The following ENAH variants were observed in gnomAD, a reference collection of about 807,000 sequenced individuals.
ENAH encodes protein enabled homolog.
In ENAH, 23 loss-of-function variants were observed where a neutral mutation model predicts 78.7. The observed-to-expected ratio is 0.29, with a 90% CI of 0.21 to 0.41. ENAH has a LOEUF of 0.41. Among genes scored for constraint, ENAH ranks in the 10% least tolerant of loss-of-function variants. ENAH has a pLI of 1.00. For synonymous variants in ENAH, 226 were observed against 241.0 expected, an observed-to-expected ratio of 0.94 and a Z score of 0.58; for missense variants, 544 against 691.0, an observed-to-expected ratio of 0.79 and a Z score of 2.39.
rs544159229 is a variant in ENAH, at chr1:225,620,776, G to A, written c.5+31910C>T. Among the ~76,000 whole-genome samples the A allele has an allele frequency of 4.6e-5, 7 of 152,162 alleles. 1 individual carries two copies. In the South Asian group the frequency reaches 1.5e-3, roughly 32 times the overall value. ...TCCCAGCACTTTGGGAGGCCAAGGT[G>A]GGCGGATCACCCAAGGTCAGGAGTT... On this transcript the variant is annotated intron_variant, in intron 1 of 13. Coordinates refer to ENST00000366843, the MANE Select transcript of ENAH (RefSeq NM_018212.6).
At chr1:225,525,385 T>A (rs2096495789) in intron 4 of ENAH, among the ~76,000 whole-genome samples, 1 of 152,220 alleles carries the variant, frequency 6.6e-6, no homozygotes, top group Admixed American at 6.5e-5. Context: ...GTAGTACTTT[T>A]AAAAATTTGA....
chr1:225,514,452 C>G, intron 7 of ENAH, 144 bp downstream of exon 7: 1 of 758,412 alleles, frequency 1.3e-6, no homozygotes. Flanking sequence ...CAGGTATGAG[C>G]CATTGCGCCA....
At chr1:225,544,201 A>T (rs1227973516) in intron 3 of ENAH, among the ~76,000 whole-genome samples, 2 of 152,324 alleles carry the variant, frequency 1.3e-5, no homozygotes, top group Non-Finnish European at 1.5e-5. Flanking sequence ...ACAATTTTTG[A>T]CTATTTAACA....
intron 1 of ENAH, among the ~76,000 whole-genome samples, chr1:225,602,464 T>G (rs932993710): frequency 6.6e-6 from 1 of 152,092 alleles, no homozygotes. Flanking sequence ...TCCAACAGTG[T>G]TTTTTTGTTG....
At chr1:225,512,165 G>C (rs971290073) in intron 9 of ENAH, among the ~76,000 whole-genome samples, 17 of 152,164 alleles carry the variant, frequency 1.1e-4, no homozygotes, top group African/African-American at 4.1e-4. Context: ...ATGGAGCAGG[G>C]GGAACATATT....
intron 1 of ENAH, among the ~76,000 whole-genome samples, chr1:225,604,686 G>C (rs950791565): frequency 1.3e-5 from 2 of 151,662 alleles, no homozygotes; most frequent in Non-Finnish European, 2.9e-5. Context: ...CCAGCTACTT[G>C]GGAGGCTGAG....
chr1:225,517,300 G>C lies in ENAH; in HGVS notation c.809C>G (p.Pro270Arg). 6.4e-7 allele frequency: 1 copy of C among 1,551,790 alleles called. No individual in the cohort carries two copies. The highest frequency in any genetic ancestry group is 8.7e-7 in the Non-Finnish European group (1 of 1,147,052). Residue 270 changes from proline (P) to arginine (R), a missense_variant, in exon 6 of 14, where the codon CCT becomes CGT. This residue lies in a region of ENAH where 366 missense variants were observed against 396.1 expected (regional missense o/e 0.92). Coordinates refer to ENST00000366843, the MANE Select transcript of ENAH (RefSeq NM_018212.6). ...RERRISSAAA[P>R]ASVETPLNSV... The stretch of plus-strand genomic sequence containing the variant: ...GTTTAGAGGAGTCTCAACAGAGGCA[G>C]GGGCAGCTGCAGAGGGAGAAGGGAG...
chr1:225,633,039 CTT>C (rs3050270), intron 1 of ENAH, among the ~76,000 whole-genome samples: 11 of 141,754 alleles, frequency 7.8e-5, no homozygotes, highest in Non-Finnish European at 3.1e-5. Flanking sequence ...CACTCAAAGT[CTT>C]TTTTTTTTTT....
chr1:225,554,370 T>C (rs898873826), intron 3 of ENAH, among the ~76,000 whole-genome samples: 1 of 152,156 alleles, frequency 6.6e-6, no homozygotes, highest in East Asian at 1.9e-4. Context: ...CTAACCAATA[T>C]GCACTATCAG....
At chr1:225,524,564 A>G (rs1278126226) in intron 4 of ENAH, 1 of 978,976 alleles carries the variant, frequency 1.0e-6, no homozygotes, top group Admixed American at 6.1e-5. Flanking sequence ...AAGTTTTAAT[A>G]TTACAAAGCC....
At chr1:225,567,028 A>C (rs2096738269) in intron 2 of ENAH, among the ~76,000 whole-genome samples, 1 of 152,224 alleles carries the variant, frequency 6.6e-6, no homozygotes, top group African/African-American at 2.4e-5. Flanking sequence ...AATTCATCAT[A>C]AAAGAACTTG....
chr1:225,638,275 A>G (rs1453915166), intron 1 of ENAH, among the ~76,000 whole-genome samples: 1 of 151,916 alleles, frequency 6.6e-6, no homozygotes, highest in Non-Finnish European at 1.5e-5. Flanking sequence ...TCCTACCTCA[A>G]TCTCCTGAGT....
chr1:225,608,321 T>G (rs1368123053), intron 1 of ENAH, among the ~76,000 whole-genome samples: 1 of 147,862 alleles, frequency 6.8e-6, no homozygotes, highest in African/African-American at 2.5e-5. Context: ...CTTTTCAGAG[T>G]CCATTACCAA....
chr1:225,560,405 C>T (rs1575530215), intron 2 of ENAH, among the ~76,000 whole-genome samples: 1 of 151,746 alleles, frequency 6.6e-6, no homozygotes, highest in African/African-American at 2.4e-5. Context: ...GCAGGAGAAT[C>T]ACTTGAACCC....
chr1:225,588,561 A>G (rs1289579401), intron 1 of ENAH, among the ~76,000 whole-genome samples: 1 of 152,156 alleles, frequency 6.6e-6, no homozygotes, highest in Admixed American at 6.5e-5. Context: ...TGTAATCCCA[A>G]CACTTTGGGA....
At chr1:225,562,203 G>A (rs1258311963) in intron 2 of ENAH, among the ~76,000 whole-genome samples, 1 of 151,896 alleles carries the variant, frequency 6.6e-6, no homozygotes, top group Non-Finnish European at 1.5e-5. Context: ...TTAAAGGCGT[G>A]AGCCACTGCA....
chr1:225,523,593 CT>C lies in ENAH; in HGVS notation c.435-4029del, dbSNP rs996264258. Among the ~76,000 whole-genome samples, 23 of 152,216 alleles carry C rather than the reference CT, an allele frequency of 1.5e-4. No individual in the cohort carries two copies. In the East Asian group the frequency reaches 4.1e-3, roughly 27 times the overall value. On this transcript the variant is annotated intron_variant, in intron 4 of 13. Transcript: ENST00000366843. Reference sequence around the variant, plus strand: ...AGGTAAGAAAAGAAAGTGTTGAACACTTTAAGCTAATTTTTAGCTTGCTTGC... The same window carrying C: ...AGGTAAGAAAAGAAAGTGTTGAACACTTAAGCTAATTTTTAGCTTGCTTGC...
rs1317462056 is a variant in ENAH at position 225,593,412 on chromosome 1, GGGGGGT to G, written c.6-26004_6-25999del. Among the ~76,000 whole-genome samples, 8 of 118,334 alleles carry G rather than the reference GGGGGGT, an allele frequency of 6.8e-5. 1 individual carries two copies. Among genetic ancestry groups the G allele is most frequent in the African/African-American group, 2.2e-4 (7 of 32,216 alleles). 77.6% of individuals were successfully genotyped at this position (118,334 alleles called of 152,430 possible). On this transcript the variant is annotated intron_variant, in intron 1 of 13. Coordinates refer to ENST00000366843, the MANE Select transcript of ENAH (RefSeq NM_018212.6). ...CCCTGTGTGTGTGTGGGGGGGGGGG[GGGGGGT>G]GGGGGGTGCCCTAGTATGAGAACCC...
At position 225,606,627 on chromosome 1, in the gene ENAH, C is replaced by G. The variant is rs373695479; in HGVS notation, c.6-39213G>C. ...CTTTGGGAGGCCAAGGCAGGCAGATCAGTTGAGGCCAGGAGACCAGCCTTA... is the reference window on the plus strand; with the variant it reads ...CTTTGGGAGGCCAAGGCAGGCAGATGAGTTGAGGCCAGGAGACCAGCCTTA... On this transcript the variant is annotated intron_variant, in intron 1 of 13. Coordinates refer to ENST00000366843, the MANE Select transcript of ENAH (RefSeq NM_018212.6). Among the ~76,000 whole-genome samples, 27 of 152,032 alleles carry G rather than the reference C, an allele frequency of 1.8e-4. No individual in the cohort carries two copies. In the East Asian group the frequency reaches 3.5e-3, roughly 20 times the overall value.
Sources: gnomAD v4.1 joint callset for allele counts (sites outside exome capture counted in the v4.1 genomes callset) on GRCh38, gnomAD v4.1.1 for gene constraint, gnomAD v4.1.1 regional missense constraint, MANE v1.5 for transcripts, NCBI Gene and HGNC (gene_info 2026-07-23, HGNC 2026-07-21) for gene names.